Variants in TEX14 observed in about 807,000 individuals in gnomAD.
TEX14 encodes the protein inactive serine/threonine-protein kinase TEX14.
A neutral mutation model predicts 178.6 loss-of-function variants in TEX14; 168 were observed. The ratio of observed to expected loss-of-function variants is 0.94; its 90% confidence interval spans 0.83 to 1.07. TEX14 has a LOEUF of 1.07. Among genes scored for constraint, TEX14 ranks in the 50% least tolerant of loss-of-function variants. TEX14 has a pLI of 0.00. For missense variants in TEX14, 1,730 were observed against 1,753.6 expected, an observed-to-expected ratio of 0.99 and a Z score of 0.24; for synonymous variants, 626 against 634.1, an observed-to-expected ratio of 0.99 and a Z score of 0.19.
Position 58,599,437 on chromosome 17 carries a change from T to A in TEX14, c.1908A>T (p.Ile636=), listed in dbSNP as rs1170174378. The A allele has an allele frequency of 1.9e-6, 3 of 1,614,084 alleles. No homozygotes were observed. The African/African-American group carries it at 4.0e-5, about 22-fold the overall frequency. ...ATGAAGCAGCTCCTGGAGGCTCTTC[T>A]ATGTCATCTTCCAAAATCAAGCAGC... ...YSGCLILEDD[I]EEPPGAASSL... Residue 636 remains isoleucine (I), a synonymous_variant, in exon 14 of 32, where the codon ATA becomes ATT. Coordinates refer to ENST00000349033, the MANE Select transcript of TEX14 (RefSeq NM_031272.5).
intron 1 of TEX14, among the ~76,000 whole-genome samples, chr17:58,652,537 G>C (rs2046861807): frequency 1.3e-5 from 2 of 152,110 alleles, no homozygotes; most frequent in Admixed American, 1.3e-4. Flanking sequence ...GGCCTCCCCA[G>C]CACTGCAGAA....
At chr17:58,592,059 A>G (rs1477916231) in intron 15 of TEX14, among the ~76,000 whole-genome samples, 1 of 151,146 alleles carries the variant, frequency 6.6e-6, no homozygotes, top group East Asian at 1.9e-4. Flanking sequence ...GTGAAACTCC[A>G]TCTCAAAAAA....
In TEX14 at chr17:58,630,572, G is replaced by T. The variant is rs1171842380; in HGVS notation, c.137-18C>A. 5 of 1,571,298 alleles carry T rather than the reference G, an allele frequency of 3.2e-6. No individual in the cohort carries two copies. In the South Asian group the frequency reaches 5.6e-5, roughly 17 times the overall value. On this transcript the variant is annotated intron_variant, in intron 2 of 31. Transcript: ENST00000349033. The stretch of plus-strand genomic sequence containing the variant: ...ATAAATTCCTGCAAAGGAAATATCA[G>T]AATCAATGCAAATATCAGAAAATTT...
Position 58,617,527 on chromosome 17 carries a change from C to T in TEX14, c.636+11G>A. The T allele has an allele frequency of 1.9e-6, 3 of 1,609,212 alleles. No individual in the cohort carries two copies. Among genetic ancestry groups the T allele is most frequent in the Non-Finnish European group, 8.5e-7 (1 of 1,176,764 alleles). ...TCCTGCAAACACTGGCTGTCAGTGG[C>T]AACCTCTTACCTTCCCAAAACCAAA... On this transcript the variant is annotated intron_variant, in intron 6 of 31. Coordinates refer to ENST00000349033, the MANE Select transcript of TEX14 (RefSeq NM_031272.5).
chr17:58,624,066 G>A (rs1228783130), intron 3 of TEX14, among the ~76,000 whole-genome samples: 3 of 152,234 alleles, frequency 2.0e-5, no homozygotes, highest in African/African-American at 7.2e-5. Flanking sequence ...GGCAGATCAC[G>A]AGGTCAGGAG....
intron 26 of TEX14, among the ~76,000 whole-genome samples, chr17:58,566,314 A>G (rs2044397375): frequency 6.6e-6 from 1 of 152,244 alleles, no homozygotes; most frequent in Non-Finnish European, 1.5e-5. Context: ...AATTTAGGTT[A>G]AGAAACTTGC....
chr17:58,639,720 G>C (rs2144606870), intron 2 of TEX14, among the ~76,000 whole-genome samples: 1 of 152,244 alleles, frequency 6.6e-6, no homozygotes, highest in South Asian at 2.1e-4. Flanking sequence ...TTTAAGGAAA[G>C]GGTGGGCCTT....
rs1666749281 is a variant in TEX14 at position 58,556,768 on chromosome 17, AC to A, written c.*242del. The stretch of plus-strand genomic sequence containing the variant: ...CAAAACCAAAGCCATTCTAGGCACA[AC>A]CAAAAATTTTTACTATCAAAACTAC... On this transcript the variant is annotated 3_prime_UTR_variant, in exon 32 of 32. Coordinates refer to ENST00000349033, the MANE Select transcript of TEX14 (RefSeq NM_031272.5). 1.3e-5 allele frequency: 6 copies of A among 464,124 alleles called. No individual in the cohort carries two copies. The highest frequency in any genetic ancestry group is 7.5e-5 in the Admixed American group (2 of 26,810). The allele number at this position is 464,124 out of a possible 1,614,324, so 28.8% of individuals were successfully genotyped here. A position where few individuals can be genotyped will look rare whatever the true frequency, so the allele number is the denominator to read the frequency against.
At chr17:58,637,322 AATG>A (rs773457307) in intron 2 of TEX14, among the ~76,000 whole-genome samples, 1 of 152,220 alleles carries the variant, frequency 6.6e-6, no homozygotes, top group Non-Finnish European at 1.5e-5. Context: ...GAACCTCTGG[AATG>A]ATAAGTATCT....
intron 24 of TEX14, among the ~76,000 whole-genome samples, chr17:58,570,888 C>T (rs1047686862): frequency 6.6e-6 from 1 of 152,046 alleles, no homozygotes; most frequent in Admixed American, 6.6e-5. Flanking sequence ...ACTTCAGCTT[C>T]CCAAAGTGGT....
intron 1 of TEX14, among the ~76,000 whole-genome samples, chr17:58,653,361 A>G (rs2046879242): frequency 6.6e-6 from 1 of 152,152 alleles, no homozygotes; most frequent in African/African-American, 2.4e-5. Context: ...AACTTTCCAA[A>G]TGTGACAGCC....
chr17:58,608,549 C>A (rs1241916893), intron 10 of TEX14, among the ~76,000 whole-genome samples: 3 of 152,236 alleles, frequency 2.0e-5, no homozygotes, highest in Admixed American at 1.3e-4. Context: ...GCACTCCAGC[C>A]TGGGCGACAG....
intron 1 of TEX14, chr17:58,660,482 A>C: frequency 1.6e-6 from 1 of 636,176 alleles, no homozygotes; most frequent in Non-Finnish European, 2.9e-6. Flanking sequence ...CCTTCGTTTT[A>C]CACAGCTGTA....
Position 58,599,390 on chromosome 17 carries a change from T to G in TEX14, c.1955A>C (p.Asn652Thr), listed in dbSNP as rs1374340219. The change falls in exon 14 of 32, where the codon AAC becomes ACC. Residue 652 changes from asparagine to threonine, a missense_variant. Physicochemically the swap from Asn to Thr is moderately conservative, Grantham distance 65 (BLOSUM62 0). Transcript: ENST00000349033. ...AASSLEADGP[N>T]QVDELKSMEE... ...CATGGATTTCAGTTCATCTACCTGG[T>G]TAGGTCCGTCTGCCTCCAAAGATGA... 1 of 1,614,096 alleles carries G rather than the reference T, an allele frequency of 6.2e-7. No homozygotes were observed. Among genetic ancestry groups the G allele is most frequent in the African/African-American group, 1.3e-5 (1 of 74,942 alleles).
At chr17:58,561,021 A>G (rs1242863923) in intron 29 of TEX14, among the ~76,000 whole-genome samples, 1 of 152,232 alleles carries the variant, frequency 6.6e-6, no homozygotes, top group Non-Finnish European at 1.5e-5. Flanking sequence ...TCTTGCCCTC[A>G]GTAAAATTAT....
At chr17:58,641,488 T>TTTATTA (rs373086043) in intron 2 of TEX14, among the ~76,000 whole-genome samples, 30,419 of 143,446 alleles carry the variant, frequency 0.21, 3,686 homozygotes, top group African/African-American at 0.34. Context: ...TTCTCTTTTA[T>TTTATTA]TTATTATTAT....
chr17:58,557,979 G>C (rs577382196), intron 30 of TEX14, 129 bp from the exon 31 acceptor site: 1 of 629,370 alleles, frequency 1.6e-6, no homozygotes, highest in East Asian at 2.7e-5. Context: ...GTTATATTCT[G>C]CCAGATAGAC....
At position 58,582,566 on chromosome 17, in the gene TEX14, C is replaced by CTT. The variant is rs74540002; in HGVS notation, c.3171+1932_3171+1933dup. The stretch of plus-strand genomic sequence containing the variant: ...GCCACCACACCCGGCCTGCAAATTT[C>CTT]TTTTTTTTTTTTTTTGAGACAGAGT... On this transcript the variant is annotated intron_variant, in intron 19 of 31. Coordinates refer to ENST00000349033, the MANE Select transcript of TEX14 (RefSeq NM_031272.5). Among the ~76,000 whole-genome samples, 1,145 of 129,354 alleles carry CTT rather than the reference C, an allele frequency of 8.9e-3. 17 individuals carry two copies. The highest frequency in any genetic ancestry group is 0.03 in the African/African-American group (1,051 of 35,096). 84.9% of individuals were successfully genotyped at this position (129,354 alleles called of 152,430 possible).
intron 3 of TEX14, among the ~76,000 whole-genome samples, chr17:58,628,702 ACT>A (rs1344874397): frequency 5.4e-4 from 78 of 145,476 alleles, no homozygotes; most frequent in African/African-American, 1.6e-3. Flanking sequence ...ACAGAGTGAG[ACT>A]CTGTCTCAAA....
Sources: gnomAD v4.1 joint callset for allele counts (sites outside exome capture counted in the v4.1 genomes callset) on GRCh38, gnomAD v4.1.1 for gene constraint, MANE v1.5 for transcripts, NCBI Gene and HGNC (gene_info 2026-07-23, HGNC 2026-07-21) for gene names.